Variants in CSGALNACT1 observed in about 807,000 individuals in gnomAD.
CSGALNACT1 encodes beta4GalNAcT-1.
In CSGALNACT1, 52 loss-of-function variants were observed where a neutral mutation model predicts 51.0. The observed-to-expected ratio is 1.02, with a 90% CI of 0.82 to 1.29. The LOEUF is 1.29. CSGALNACT1 is among the 50% of genes most tolerant of loss of function. CSGALNACT1 has a pLI of 0.00. For synonymous variants in CSGALNACT1, 341 were observed against 254.4 expected, an observed-to-expected ratio of 1.34 and a Z score of -3.24; for missense variants, 935 against 679.2, an observed-to-expected ratio of 1.38 and a Z score of -4.19.
At chr8:19,430,036 T>A (rs1461608560) in intron 6 of CSGALNACT1, among the ~76,000 whole-genome samples, 1 of 152,256 alleles carries the variant, frequency 6.6e-6, no homozygotes, top group Admixed American at 6.5e-5. Flanking sequence ...GAAATGTACA[T>A]CCAAGTCTTT....
upstream of CSGALNACT1, among the ~76,000 whole-genome samples, chr8:19,686,020 C>T (rs1301973286): frequency 6.6e-6 from 1 of 152,194 alleles, no homozygotes; most frequent in Admixed American, 6.6e-5. Flanking sequence ...GTGACGTGTT[C>T]CTCAAGTAGG....
chr8:19,586,250 T>C (rs1025183523), intron 3 of CSGALNACT1, among the ~76,000 whole-genome samples: 2 of 151,744 alleles, frequency 1.3e-5, no homozygotes, highest in Non-Finnish European at 2.9e-5. Flanking sequence ...TCCCAGCTAC[T>C]TGGGAGGCTG....
intron 4 of CSGALNACT1, among the ~76,000 whole-genome samples, chr8:19,478,095 T>G (rs957581605): frequency 6.6e-6 from 1 of 151,646 alleles, no homozygotes; most frequent in African/African-American, 2.4e-5. Flanking sequence ...GGTTACACAG[T>G]GGAATCATTT....
intron 4 of CSGALNACT1, among the ~76,000 whole-genome samples, chr8:19,481,390 T>A (rs1407538613): frequency 6.6e-6 from 1 of 152,158 alleles, no homozygotes; most frequent in Non-Finnish European, 1.5e-5. Context: ...TTCAAAAATC[T>A]TGACTACATC....
In CSGALNACT1 at chr8:19,409,871, T is replaced by G. The variant is rs745962270; in HGVS notation, c.1228-1177A>C. On this transcript the variant is annotated intron_variant, in intron 8 of 9. Transcript: ENST00000454498. Reference sequence around the variant, plus strand: ...CCTTCACTTCTTCATGCATCTATTTTTTTTTCCTTATAAAACAAGGGGGTT... The same window carrying G: ...CCTTCACTTCTTCATGCATCTATTTGTTTTTCCTTATAAAACAAGGGGGTT... Among the ~76,000 whole-genome samples the G allele has an allele frequency of 3.9e-4, 59 of 152,268 alleles. 1 individual carries two copies. Among genetic ancestry groups the G allele is most frequent in the Admixed American group, 1.4e-3 (21 of 15,294 alleles).
intron 3 of CSGALNACT1, among the ~76,000 whole-genome samples, chr8:19,514,484 T>TATATATATATATATATATAC (rs2079098854): frequency 1.3e-5 from 1 of 79,864 alleles, no homozygotes; most frequent in African/African-American, 5.2e-5. Context: ...ACTATATATA[T>TATATATATATATATATATAC]ATATATATAT....
rs1564387072 is a variant in CSGALNACT1 at position 19,667,047 on chromosome 8, GAAAGAAAGA to G, written c.-544+15417_-544+15425del. Among the ~76,000 whole-genome samples the G allele has an allele frequency of 4.4e-4, 37 of 83,274 alleles. 2 individuals carry two copies. In the South Asian group the frequency reaches 4.8e-3, roughly 11 times the overall value. 54.6% of individuals were successfully genotyped at this position (83,274 alleles called of 152,430 possible). On this transcript the variant is annotated intron_variant, in intron 1 of 9. Transcript: ENST00000332246. The stretch of plus-strand genomic sequence containing the variant: ...AGGAAGGAAGGAAGGAAGGAAGAAA[GAAAGAAAGA>G]AAGAAAGAAAGAAAGAAAGAAAGAA...
intron 1 of CSGALNACT1, among the ~76,000 whole-genome samples, chr8:19,676,938 G>T (rs2060236143): frequency 6.6e-6 from 1 of 152,158 alleles, no homozygotes. Context: ...CAATGGATTT[G>T]ACAATGAAAG....
At chr8:19,510,991 G>A (rs1041178082) in intron 3 of CSGALNACT1, among the ~76,000 whole-genome samples, 5 of 152,176 alleles carry the variant, frequency 3.3e-5, no homozygotes, top group South Asian at 2.1e-4. Flanking sequence ...TTTTGGTCAC[G>A]AGAGCTGTGT....
chr8:19,672,046 A>G (rs1004447258), intron 1 of CSGALNACT1, among the ~76,000 whole-genome samples: 1 of 152,224 alleles, frequency 6.6e-6, no homozygotes, highest in African/African-American at 2.4e-5. Flanking sequence ...GTACATTTAC[A>G]TAGAATTTGG....
At chr8:19,590,713 G>C (rs1472468727) in intron 3 of CSGALNACT1, among the ~76,000 whole-genome samples, 1 of 136,930 alleles carries the variant, frequency 7.3e-6, no homozygotes, top group Non-Finnish European at 1.5e-5. Flanking sequence ...GCATTGGCGC[G>C]ATCTCGGCTC....
intron 3 of CSGALNACT1, among the ~76,000 whole-genome samples, chr8:19,582,193 A>G (rs921722086): frequency 6.6e-6 from 1 of 152,216 alleles, no homozygotes; most frequent in Non-Finnish European, 1.5e-5. Flanking sequence ...ATATTCCTCC[A>G]TTCACTGGGA....
intron 5 of CSGALNACT1, among the ~76,000 whole-genome samples, chr8:19,450,665 G>C (rs570338481): frequency 4.7e-4 from 72 of 152,248 alleles, no homozygotes; most frequent in African/African-American, 1.7e-3. Flanking sequence ...GGGAGGCTGA[G>C]GCAGGCTGTA....
intron 6 of CSGALNACT1, among the ~76,000 whole-genome samples, chr8:19,423,181 G>A (rs952879769): frequency 4.6e-5 from 7 of 152,122 alleles, no homozygotes; most frequent in Non-Finnish European, 1.0e-4. Flanking sequence ...AAGAACATAG[G>A]CTCTTAATAG....
At chr8:19,633,544 T>C (rs2055588732) in intron 1 of CSGALNACT1, among the ~76,000 whole-genome samples, 1 of 152,242 alleles carries the variant, frequency 6.6e-6, no homozygotes, top group African/African-American at 2.4e-5. Flanking sequence ...CTTAACACAA[T>C]GTGAAAATGT....
chr8:19,722,860 C>A (rs2063201473), intron 1 of CSGALNACT1, among the ~76,000 whole-genome samples: 1 of 152,162 alleles, frequency 6.6e-6, no homozygotes, highest in Non-Finnish European at 1.5e-5. Context: ...CAGGTAAAGC[C>A]CAGCAAATAT....
intron 1 of CSGALNACT1, among the ~76,000 whole-genome samples, chr8:19,647,050 T>G (rs975079480): frequency 6.6e-6 from 1 of 151,620 alleles, no homozygotes; most frequent in Non-Finnish European, 1.5e-5. Flanking sequence ...GTAAGCCTAG[T>G]GGTCCCCTAA....
Position 19,406,055 on chromosome 8 carries a change from C to G in CSGALNACT1, c.1324G>C (p.Asp442His), listed in dbSNP as rs747767054. Residue 442 changes from aspartate to histidine, a missense_variant, in exon 10 of 10, where the codon GAC becomes CAC. Physicochemically the swap from Asp to His is moderately conservative, Grantham distance 81 (BLOSUM62 -1). Transcript: ENST00000454498. ...TCCTCTCCGCCCCAGCCTTTGATGT[C>G]CAGATCAAACCCACCTGTCGGGACA... The G allele has an allele frequency of 3.7e-6, 6 of 1,614,026 alleles. No homozygotes were observed. In the African/African-American group the frequency reaches 4.0e-5, roughly 11 times the overall value.
intron 1 of CSGALNACT1, among the ~76,000 whole-genome samples, chr8:19,692,555 A>G (rs937135085): frequency 6.6e-6 from 1 of 152,202 alleles, no homozygotes; most frequent in East Asian, 1.9e-4. Flanking sequence ...GGGACAAGGA[A>G]CAGAAGACAT....
Sources: allele counts gnomAD v4.1 joint callset (sites outside exome capture counted in the v4.1 genomes callset), GRCh38; gene constraint gnomAD v4.1.1; transcripts MANE v1.5; gene names NCBI Gene and HGNC (gene_info 2026-07-23, HGNC 2026-07-21).